Variants in KIRREL2 observed in about 807,000 individuals in gnomAD.
KIRREL2 encodes kin of IRRE-like protein 2.
Under a neutral mutation model 73.4 loss-of-function variants are expected in KIRREL2, and 56 were observed. The observed-to-expected ratio is 0.76, with a 90% CI of 0.62 to 0.95. The LOEUF (loss-of-function observed/expected upper bound fraction) is 0.95, where lower values mean the gene tolerates loss of function less well. Ranked by LOEUF, KIRREL2 falls within the 40% of genes least tolerant of loss-of-function variation. The pLI is 0.00. For missense variants in KIRREL2, 896 were observed against 935.0 expected (o/e 0.96, Z 0.54); for synonymous variants, 407 against 404.0 (o/e 1.01, Z -0.09).
At chr19:35,851,577 G>T, upstream of KIRREL2, 1 of 1,613,982 alleles carries the variant, frequency 6.2e-7, no homozygotes. Flanking sequence ...ACCCCACAAC[G>T]CAGCTCCACT....
chr19:35,858,706 C>T lies in KIRREL2; in HGVS notation c.364C>T (p.Pro122Ser). ...SRPAQLHVLV[P>S]PEAPQVLGGP... is the part of the protein sequence containing the mutation. Reference sequence around the variant, plus strand: ...CTGACCCCAAATCCACCTTGCAGTCCCCCCAGAAGCCCCCCAGGTGCTGGG... The same window carrying T: ...CTGACCCCAAATCCACCTTGCAGTCTCCCCAGAAGCCCCCCAGGTGCTGGG... Residue 122 changes from proline (P) to serine (S), a missense_variant and splice_region_variant, in exon 4 of 15, where the codon CCC becomes TCC. By Grantham distance (74) the Pro-to-Ser change is moderately conservative. Transcript: ENST00000360202. 6.2e-7 allele frequency: 1 copy of T among 1,613,792 alleles called. No homozygotes were observed. Among genetic ancestry groups the T allele is most frequent in the Non-Finnish European group, 8.5e-7 (1 of 1,179,886 alleles).
chr19:35,862,548 C>T lies in KIRREL2; in HGVS notation c.1566C>T (p.Leu522=). Residue 522 remains leucine, a synonymous_variant, in exon 12 of 15, where the codon CTC becomes CTT. Coordinates refer to ENST00000360202, the MANE Select transcript of KIRREL2 (RefSeq NM_199180.4). ...GAGTGGCCGCTGCCACCACAACTCT[C>T]CTTATGGTCATCACTGGGGTGGCCC... ...VAGVAAATTT[L]LMVITGVALC... is the part of the protein sequence containing the mutation. 2 of 1,610,620 alleles carry T rather than the reference C, an allele frequency of 1.2e-6. No individual in the cohort carries two copies. The highest frequency in any genetic ancestry group is 1.6e-4 in the Middle Eastern group (1 of 6,062).
chr19:35,861,167 G>A lies in KIRREL2; in HGVS notation c.1102G>A (p.Glu368Lys). The A allele has an allele frequency of 2.5e-6, 4 of 1,587,958 alleles. No homozygotes were observed. The highest frequency in any genetic ancestry group is 2.6e-6 in the Non-Finnish European group (3 of 1,169,202). The change falls in exon 9 of 15, where the codon GAG (glutamate) becomes AAG (lysine). Residue 368 changes from glutamate (E) to lysine (K), a missense_variant. Transcript: ENST00000360202. ...ACTGCGTCTTCCGTCGGTGGGGCCCGAGGACGCAGGCGACTATGTGTGCAG... is the reference window on the plus strand; with the variant it reads ...ACTGCGTCTTCCGTCGGTGGGGCCCAAGGACGCAGGCGACTATGTGTGCAG... The part of the protein sequence containing the change: ...ATLRLPSVGP[E>K]DAGDYVCRAE...
chr19:35,860,821 G>A lies in KIRREL2; in HGVS notation c.929-88G>A, dbSNP rs1973637341. The A allele has an allele frequency of 1.0e-5, 16 of 1,601,480 alleles. No individual in the cohort carries two copies. The South Asian group carries it at 1.5e-4, about 15-fold the overall frequency. On this transcript the variant is annotated intron_variant, in intron 7 of 14. Coordinates refer to ENST00000360202, the MANE Select transcript of KIRREL2 (RefSeq NM_199180.4). Reference sequence around the variant, plus strand: ...CTGGGGCATATTCTTGCGCCCTAGAGGGTGTGGTGTTTCTGTGGGGCTGGC... The same window carrying A: ...CTGGGGCATATTCTTGCGCCCTAGAAGGTGTGGTGTTTCTGTGGGGCTGGC...
At position 35,866,309 on chromosome 19, in the gene KIRREL2, G is replaced by T; in HGVS notation, c.1944G>T (p.Met648Ile). 6.2e-7 allele frequency: 1 copy of T among 1,611,540 alleles called. No homozygotes were observed. Among genetic ancestry groups the T allele is most frequent in the Non-Finnish European group, 8.5e-7 (1 of 1,178,300 alleles). The change falls in exon 15 of 15, where the codon ATG becomes ATT. Residue 648 changes from methionine to isoleucine, a missense_variant. Coordinates refer to ENST00000360202, the MANE Select transcript of KIRREL2 (RefSeq NM_199180.4). ...TFYDFNPHLG[M>I]VPPCRLYRAR... The stretch of plus-strand genomic sequence containing the variant: ...ATGACTTCAACCCACACCTGGGCAT[G>T]GTCCCCCCCTGCAGACTTTACAGAG...
Position 35,858,452 on chromosome 19 carries a change from C to A in KIRREL2, c.256C>A (p.His86Asn). ...ATCAGGGAATGCAGCCAATGGCCAG[C>A]ATGACCTCCACATTAGGCCCGTGGA... ...WISGNAANGQ[H>N]DLHIRPVELE... Residue 86 changes from histidine to asparagine, a missense_variant, in exon 3 of 15, where the codon CAT (histidine) becomes AAT (asparagine). Physicochemically the swap from His to Asn is moderately conservative, Grantham distance 68 (BLOSUM62 1). Transcript: ENST00000360202. 1 of 1,614,160 alleles carries A rather than the reference C, an allele frequency of 6.2e-7. No homozygotes were observed. The highest frequency in any genetic ancestry group is 1.6e-4 in the Middle Eastern group (1 of 6,062).
rs1458104910 is a variant in KIRREL2 at position 35,861,158 on chromosome 19, G to T, written c.1093G>T (p.Val365Leu). Residue 365 changes from valine (V) to leucine (L), a missense_variant, in exon 9 of 15, where the codon GTG becomes TTG. By Grantham distance (32) the Val-to-Leu change is conservative. Transcript: ENST00000360202. ...TGGAGCCACACTGCGTCTTCCGTCG[G>T]TGGGGCCCGAGGACGCAGGCGACTA... ...GSGATLRLPSVGPEDAGDYVC... is the reference protein window; with the variant it reads ...GSGATLRLPSLGPEDAGDYVC... The T allele has an allele frequency of 1.3e-6, 2 of 1,592,760 alleles. No homozygotes were observed. The highest frequency in any genetic ancestry group is 2.2e-5 in the East Asian group (1 of 44,608).
Position 35,866,142 on chromosome 19 carries a change from C to T in KIRREL2, c.1792-15C>T, listed in dbSNP as rs553360270. The T allele has an allele frequency of 1.5e-5, 24 of 1,593,484 alleles. No homozygotes were observed. Among genetic ancestry groups the T allele is most frequent in the Non-Finnish European group, 2.0e-5 (23 of 1,175,086 alleles). On this transcript the variant is annotated splice_polypyrimidine_tract_variant and intron_variant, in intron 14 of 14. Transcript: ENST00000360202. The stretch of plus-strand genomic sequence containing the variant: ...CACGCTCACAGACTTTACTGAGTCC[C>T]ATTTGTCCCCTCAGGACCCAACCAA...
Position 35,857,198 on chromosome 19 carries a change from C to A in KIRREL2, c.61+18C>A. ...GAGAGCAGGTACCGCACGAGGGGAG[C>A]GGAGGAATATGGGGTGGGGGTGGGG... On this transcript the variant is annotated intron_variant, in intron 1 of 14. Coordinates refer to ENST00000360202, the MANE Select transcript of KIRREL2 (RefSeq NM_199180.4). 1.2e-6 allele frequency: 1 copy of A among 831,034 alleles called. No homozygotes were observed. Among genetic ancestry groups the A allele is most frequent in the Non-Finnish European group, 1.8e-6 (1 of 568,978 alleles). The allele number at this position is 831,034 out of a possible 1,614,324, so 51.5% of individuals were successfully genotyped here.
Position 35,857,172 on chromosome 19 carries a change from G to C in KIRREL2, c.53G>C (p.Gly18Ala). ...ALLVLLFCFR[G>A]RAGPSPHFLQ... ...CTCGTCCTCCTCTTCTGCTTCAGAG[G>C]GAGAGCAGGTACCGCACGAGGGGAG... The change falls in exon 1 of 15, where the codon GGG becomes GCG. Residue 18 changes from glycine (G) to alanine (A), a missense_variant. Transcript: ENST00000360202. 1 of 1,613,220 alleles carries C rather than the reference G, an allele frequency of 6.2e-7. No homozygotes were observed. Among genetic ancestry groups the C allele is most frequent in the South Asian group, 1.1e-5 (1 of 91,028 alleles).
intron 9 of KIRREL2, 59 bp downstream of exon 9, chr19:35,861,313 G>A: frequency 1.3e-6 from 2 of 1,505,898 alleles, no homozygotes; most frequent in African/African-American, 1.4e-5. Context: ...AGCGGACAGA[G>A]GGGGCAAGGG....
rs780464760 is a variant in KIRREL2 at position 35,859,438 on chromosome 19, C to T, written c.523-43C>T. 8 of 1,592,370 alleles carry T rather than the reference C, an allele frequency of 5.0e-6. No individual in the cohort carries two copies. The Admixed American group carries it at 8.5e-5, about 17-fold the overall frequency. On this transcript the variant is annotated intron_variant, in intron 4 of 14. Coordinates refer to ENST00000360202, the MANE Select transcript of KIRREL2 (RefSeq NM_199180.4). The stretch of plus-strand genomic sequence containing the variant: ...CAGGAAAGCCAAAAGATTGGACACC[C>T]CTGATGGGTAGATGGCATTATTATT...
chr19:35,855,317 C>T (rs1973382268), upstream of KIRREL2, among the ~76,000 whole-genome samples: 1 of 152,174 alleles, frequency 6.6e-6, no homozygotes, highest in Non-Finnish European at 1.5e-5. Context: ...ACCTTCCACC[C>T]TCCACCTTGG....
rs749336433 is a variant in KIRREL2, at chr19:35,860,573, CG to C, written c.835del (p.Val279TrpfsTer7). ...GGGCCCGCGGGCCAAGGTTAGAGGT[CG>C]TGGCAGACGCCTCGTTCCTGACTGA... The part of the protein sequence containing the change: ...LGARGPRLEV[V>X]ADASFLTEPV... On this transcript the variant is annotated frameshift_variant, in exon 7 of 15. Coordinates refer to ENST00000360202, the MANE Select transcript of KIRREL2 (RefSeq NM_199180.4). LOFTEE classifies it high-confidence loss of function. 20 of 1,603,442 alleles carry C rather than the reference CG, an allele frequency of 1.2e-5. No homozygotes were observed. The highest frequency in any genetic ancestry group is 3.3e-4 in the Middle Eastern group (2 of 6,064).
intron 14 of KIRREL2, among the ~76,000 whole-genome samples, chr19:35,865,022 G>A (rs1973905138): frequency 6.6e-6 from 1 of 151,764 alleles, no homozygotes; most frequent in Admixed American, 6.6e-5. Flanking sequence ...TCAGCCACCA[G>A]GTCCTACACT....
chr19:35,861,909 G>T lies in KIRREL2; in HGVS notation c.1395G>T (p.Leu465=). ...GCCGCGGGGGACTGGGTCCGGGCCTGATCTCTGTGCTACACATTTCGGGGA... is the reference window on the plus strand; with the variant it reads ...GCCGCGGGGGACTGGGTCCGGGCCTTATCTCTGTGCTACACATTTCGGGGA... ...PESRGGLGPG[L]ISVLHISGTQ... The change falls in exon 11 of 15, where the codon CTG becomes CTT. Residue 465 remains leucine (L), a synonymous_variant. Coordinates refer to ENST00000360202, the MANE Select transcript of KIRREL2 (RefSeq NM_199180.4). The T allele has an allele frequency of 6.2e-7, 1 of 1,610,104 alleles. No individual in the cohort carries two copies. Among genetic ancestry groups the T allele is most frequent in the East Asian group, 2.2e-5 (1 of 44,738 alleles).
chr19:35,856,398 AAGGGAACAG>A (rs1413011507), upstream of KIRREL2, among the ~76,000 whole-genome samples: 1 of 152,146 alleles, frequency 6.6e-6, no homozygotes, highest in East Asian at 1.9e-4. The surrounding 1 kb of genome is among the most constrained non-coding windows in gnomAD (Gnocchi z 5.9). Context: ...CAGCAATAAC[AAGGGAACAG>A]AGGGATATTT....
chr19:35,863,786 T>C (rs1180572083), intron 13 of KIRREL2, among the ~76,000 whole-genome samples: 2 of 147,258 alleles, frequency 1.4e-5, no homozygotes, highest in African/African-American at 5.0e-5. Flanking sequence ...TTTCTTTCTT[T>C]TTTTTGAGAC....
In KIRREL2 at chr19:35,859,489, G is replaced by A. The variant is rs769774142; in HGVS notation, c.531G>A (p.Leu177=). The A allele has an allele frequency of 1.2e-6, 2 of 1,613,876 alleles. No homozygotes were observed. The highest frequency in any genetic ancestry group is 4.5e-5 in the East Asian group (2 of 44,900). The change falls in exon 5 of 15, where the codon CTG becomes CTA. Residue 177 remains leucine, a synonymous_variant. Coordinates refer to ENST00000360202, the MANE Select transcript of KIRREL2 (RefSeq NM_199180.4). ...CTTATCCTTCCCTCCAGACCCTGCTGAAGGAAGGGACCCCTGGGTCAGTGG... is the reference window on the plus strand; with the variant it reads ...CTTATCCTTCCCTCCAGACCCTGCTAAAGGAAGGGACCCCTGGGTCAGTGG... ...LDGATFHQTL[L]KEGTPGSVES... is the part of the protein sequence containing the mutation.
Sources: allele counts gnomAD v4.1 joint callset (sites outside exome capture counted in the v4.1 genomes callset), GRCh38; gene constraint gnomAD v4.1.1; non-coding constraint Gnocchi (gnomAD v3.1); transcripts MANE v1.5; gene names NCBI Gene and HGNC (gene_info 2026-07-23, HGNC 2026-07-21).